C1orf185: variants seen among roughly 807,000 people sequenced by gnomAD.
C1orf185 encodes chromosome 1 open reading frame 185, also known as uncharacterized protein C1orf185.
C1orf185 carries 13 observed loss-of-function variants against 16.1 expected under a neutral mutation model. That is an observed-to-expected ratio of 0.81 (90% CI 0.53 to 1.28). The LOEUF is 1.28. Among genes scored for constraint, C1orf185 ranks in the 50% most tolerant of loss-of-function variants. The pLI is 0.00. For missense variants in C1orf185, 220 were observed against 225.2 expected, an observed-to-expected ratio of 0.98 and a Z score of 0.15; for synonymous variants, 80 against 76.9, an observed-to-expected ratio of 1.04 and a Z score of -0.21.
chr1:51,120,505 T>C (rs1646190241), intron 3 of C1orf185, among the ~76,000 whole-genome samples: 1 of 152,190 alleles, frequency 6.6e-6, no homozygotes, highest in South Asian at 2.1e-4. Flanking sequence ...CACCGTACAA[T>C]TCTACTATTA....
intron 2 of C1orf185, among the ~76,000 whole-genome samples, chr1:51,113,459 G>A (rs1035090353): frequency 4.6e-5 from 7 of 151,868 alleles, no homozygotes; most frequent in African/African-American, 1.2e-4. Context: ...CAAAGCGGAC[G>A]GATCACCTGG....
intron 4 of C1orf185, 24 bp from the exon 5 acceptor site, chr1:51,147,443 T>C: frequency 4.7e-6 from 7 of 1,480,390 alleles, no homozygotes; most frequent in Non-Finnish European, 6.3e-6. Context: ...ATATATAATA[T>C]TCATAGTAAA....
At chr1:51,136,546 A>G (rs2097825706) in intron 3 of C1orf185, among the ~76,000 whole-genome samples, 1 of 152,160 alleles carries the variant, frequency 6.6e-6, no homozygotes, top group African/African-American at 2.4e-5. Flanking sequence ...GTACTGGTAC[A>G]AAAACAGACG....
intron 3 of C1orf185, among the ~76,000 whole-genome samples, chr1:51,142,411 A>G (rs1312472871): frequency 6.6e-6 from 1 of 152,162 alleles, no homozygotes; most frequent in Non-Finnish European, 1.5e-5. Flanking sequence ...TTAATTTATC[A>G]CATCTGAAGG....
chr1:51,133,455 A>T (rs188885432), intron 3 of C1orf185, among the ~76,000 whole-genome samples: 1 of 152,332 alleles, frequency 6.6e-6, no homozygotes, highest in African/African-American at 2.4e-5. Context: ...TAAAAAGACA[A>T]AGAAAGGCAT....
At chr1:51,143,891 G>A (rs1646382678) in intron 3 of C1orf185, among the ~76,000 whole-genome samples, 1 of 152,174 alleles carries the variant, frequency 6.6e-6, no homozygotes, top group Non-Finnish European at 1.5e-5. Flanking sequence ...TCTAACTCCT[G>A]GGCGTGAGCC....
At chr1:51,121,633 G>A (rs976031700) in intron 3 of C1orf185, among the ~76,000 whole-genome samples, 1 of 151,908 alleles carries the variant, frequency 6.6e-6, no homozygotes, top group African/African-American at 2.4e-5. Flanking sequence ...CCTCTGTATT[G>A]GCTTCTTCCT....
chr1:51,127,531 C>T (rs924987552), intron 3 of C1orf185, among the ~76,000 whole-genome samples: 6 of 152,214 alleles, frequency 3.9e-5, no homozygotes, highest in African/African-American at 1.4e-4. Context: ...GGTGATCCAC[C>T]TGCCTTGGCC....
At chr1:51,139,962 T>A (rs796505068) in intron 3 of C1orf185, among the ~76,000 whole-genome samples, 4 of 152,344 alleles carry the variant, frequency 2.6e-5, no homozygotes, top group African/African-American at 9.6e-5. Flanking sequence ...AACCACAGTG[T>A]TGGCCCTTAA....
At chr1:51,125,500 T>G (rs1646233655) in intron 3 of C1orf185, among the ~76,000 whole-genome samples, 1 of 152,174 alleles carries the variant, frequency 6.6e-6, no homozygotes, top group African/African-American at 2.4e-5. Flanking sequence ...CTTGTAAACC[T>G]ATCCTAAATT....
chr1:51,145,885 A>T (rs1646395619), intron 4 of C1orf185, 125 bp downstream of exon 4: 1 of 442,188 alleles, frequency 2.3e-6, no homozygotes, highest in Non-Finnish European at 3.8e-6. Context: ...TGTAAGGGAA[A>T]CATTAATTTA....
intron 3 of C1orf185, among the ~76,000 whole-genome samples, chr1:51,123,628 C>T (rs1443144717): frequency 1.3e-5 from 2 of 152,242 alleles, no homozygotes; most frequent in South Asian, 2.1e-4. Context: ...CATTTCCACC[C>T]GCAATGCATG....
At chr1:51,146,804 G>A (rs1405384177) in intron 4 of C1orf185, among the ~76,000 whole-genome samples, 1 of 152,008 alleles carries the variant, frequency 6.6e-6, no homozygotes, top group East Asian at 1.9e-4. Flanking sequence ...ATATCAAAAT[G>A]CTTTGTAAAT....
At chr1:51,111,164 GT>G (rs1483368466) in intron 1 of C1orf185, among the ~76,000 whole-genome samples, 1 of 151,580 alleles carries the variant, frequency 6.6e-6, no homozygotes, top group African/African-American at 2.4e-5. Context: ...ATGATAATTT[GT>G]AGCAGGGATA....
chr1:51,134,794 C>T (rs1646311113), intron 3 of C1orf185, among the ~76,000 whole-genome samples: 1 of 152,056 alleles, frequency 6.6e-6, no homozygotes, highest in Admixed American at 6.6e-5. Flanking sequence ...TAACACTGAA[C>T]CAGGAAGAAA....
chr1:51,121,412 TC>T (rs1168389020), intron 3 of C1orf185, among the ~76,000 whole-genome samples: 1 of 152,180 alleles, frequency 6.6e-6, no homozygotes, highest in Non-Finnish European at 1.5e-5. Context: ...TATAATGTCC[TC>T]CAGGTTCACC....
chr1:51,148,379 T>C (rs1292238880), downstream of C1orf185, among the ~76,000 whole-genome samples: 1 of 152,100 alleles, frequency 6.6e-6, no homozygotes, highest in South Asian at 2.1e-4. Context: ...CGCCTTGGCC[T>C]CCCAAAGTGC....
chr1:51,136,599 A>G lies in C1orf185; in HGVS notation c.259-9125A>G, dbSNP rs117887328. On this transcript the variant is annotated intron_variant, in intron 3 of 4. Transcript: ENST00000371759. Reference sequence around the variant, plus strand: ...GAATACAGAACCCAGAAATAAGGCCACACACCTACAATGATCTGATCTTTG... The same window carrying G: ...GAATACAGAACCCAGAAATAAGGCCGCACACCTACAATGATCTGATCTTTG... Among the ~76,000 whole-genome samples the G allele has an allele frequency of 7.0e-3, 1,072 of 152,246 alleles. 32 individuals are homozygous for G. The highest frequency in any genetic ancestry group is 0.041 in the East Asian group (213 of 5,182).
At chr1:51,122,851 A>G (rs1389400174) in intron 3 of C1orf185, among the ~76,000 whole-genome samples, 1 of 152,122 alleles carries the variant, frequency 6.6e-6, no homozygotes, top group Non-Finnish European at 1.5e-5. Flanking sequence ...ATCACACAAT[A>G]TGTAGTCTTT....
Sources: gnomAD v4.1 joint callset for allele counts (sites outside exome capture counted in the v4.1 genomes callset) on GRCh38, gnomAD v4.1.1 for gene constraint, MANE v1.5 for transcripts, NCBI Gene and HGNC (gene_info 2026-07-23, HGNC 2026-07-21) for gene names.